Variants in TGFBR2 observed in about 807,000 individuals in gnomAD.
TGFBR2 encodes the protein transforming growth factor beta receptor 2.
A neutral mutation model predicts 49.0 loss-of-function variants in TGFBR2; 18 were observed. That is an observed-to-expected ratio of 0.37 (90% CI 0.25 to 0.54). The LOEUF (loss-of-function observed/expected upper bound fraction) is 0.54, where lower values mean the gene tolerates loss of function less well. TGFBR2 is among the 20% of genes least tolerant of loss of function. The pLI is 0.85. For missense variants in TGFBR2, 525 were observed against 722.6 expected, an observed-to-expected ratio of 0.73 and a Z score of 3.13; for synonymous variants, 282 against 275.9, an observed-to-expected ratio of 1.02 and a Z score of -0.22.
In TGFBR2 at chr3:30,688,423, G is replaced by A. The variant is rs1553631704; in HGVS notation, c.1436G>A (p.Arg479Gln). Residue 479 changes from arginine (R) to glutamine (Q), a missense_variant, in exon 6 of 7, where the codon CGG becomes CAG. Physicochemically the swap from Arg to Gln is conservative, Grantham distance 43. Around this residue, in one of 3 missense-constraint regions of TGFBR2, gnomAD observed 104 missense variants for 133.4 expected, o/e 0.78. Transcript: ENST00000295754. ...GAGCCTCCATTTGGTTCCAAGGTGC[G>A]GGAGCACCCCTGTGTCGAAAGCATG... ...DYEPPFGSKV[R>Q]EHPCVESMKD... The A allele has an allele frequency of 7.4e-6, 12 of 1,614,188 alleles. No homozygotes were observed. The highest frequency in any genetic ancestry group is 2.7e-5 in the African/African-American group (2 of 75,058).
At chr3:30,613,989 A>G (rs1835538) in intron 1 of TGFBR2, among the ~76,000 whole-genome samples, 92,164 of 152,004 alleles carry the variant, frequency 0.61, 28,872 homozygotes, top group East Asian at 0.87. Flanking sequence ...GGAATAGACA[A>G]CATTGAACAT....
At chr3:30,609,504 G>A (rs1697992632) in intron 1 of TGFBR2, among the ~76,000 whole-genome samples, 1 of 152,030 alleles carries the variant, frequency 6.6e-6, no homozygotes, top group South Asian at 2.1e-4. Flanking sequence ...TTAAATAAAA[G>A]AACAAATTTC....
chr3:30,655,969 G>A (rs1007284962), intron 3 of TGFBR2, among the ~76,000 whole-genome samples: 3 of 152,144 alleles, frequency 2.0e-5, no homozygotes, highest in Non-Finnish European at 4.4e-5. Flanking sequence ...GTCCTCTGGG[G>A]CCTATTGCAT....
At chr3:30,625,879 T>C (rs1468518515) in intron 1 of TGFBR2, among the ~76,000 whole-genome samples, 1 of 152,230 alleles carries the variant, frequency 6.6e-6, no homozygotes, top group Admixed American at 6.5e-5. Context: ...TGTCCAGTAC[T>C]ACCATGCCCC....
At chr3:30,665,942 A>G (rs1406727076) in intron 3 of TGFBR2, among the ~76,000 whole-genome samples, 1 of 152,244 alleles carries the variant, frequency 6.6e-6, no homozygotes, top group Non-Finnish European at 1.5e-5. Flanking sequence ...ATATGTTTCT[A>G]TAATAATGCT....
intron 5 of TGFBR2, among the ~76,000 whole-genome samples, chr3:30,680,759 G>A (rs1244898000): frequency 1.3e-5 from 2 of 152,140 alleles, no homozygotes; most frequent in African/African-American, 4.8e-5. Flanking sequence ...GAGGTGATTG[G>A]TGTGTTACTG....
At chr3:30,607,763 C>A (rs373089194) in intron 1 of TGFBR2, among the ~76,000 whole-genome samples, 4 of 146,844 alleles carry the variant, frequency 2.7e-5, no homozygotes, top group African/African-American at 1.0e-4. Flanking sequence ...TGATCGCTGT[C>A]TCTGAAGGTT....
At chr3:30,689,222 ATTGT>A (rs1699673311) in intron 6 of TGFBR2, among the ~76,000 whole-genome samples, 1 of 152,134 alleles carries the variant, frequency 6.6e-6, no homozygotes, top group East Asian at 1.9e-4. Context: ...GCTGATCCAA[ATTGT>A]TTGTTTGGGG....
chr3:30,607,192 C>T (rs1301922672), intron 1 of TGFBR2, among the ~76,000 whole-genome samples: 1 of 152,240 alleles, frequency 6.6e-6, no homozygotes, highest in Non-Finnish European at 1.5e-5. Context: ...GCAAGGGGCG[C>T]GGGGCACGTT....
intron 2 of TGFBR2, among the ~76,000 whole-genome samples, chr3:30,647,265 T>G (rs13086588): frequency 0.32 from 48,667 of 152,110 alleles, 7,920 homozygotes; most frequent in East Asian, 0.43. Flanking sequence ...CATAATGTGG[T>G]ACATCTTTGA....
chr3:30,691,037 C>A (rs571842911), intron 6 of TGFBR2, among the ~76,000 whole-genome samples: 1 of 152,080 alleles, frequency 6.6e-6, no homozygotes, highest in Non-Finnish European at 1.5e-5. Flanking sequence ...TGCTGTGAAG[C>A]GAGAACTTCT....
rs1428100949 is a variant in TGFBR2 at position 30,693,435 on chromosome 3, CT to C, written c.*1841del. ...GCTGCAAGTAATCTCTTTTTTAAAA[CT>C]TTTTGAAGCTACTTATTTTCAGCCA... On this transcript the variant is annotated 3_prime_UTR_variant, in exon 7 of 7. Coordinates refer to ENST00000295754, the MANE Select transcript of TGFBR2 (RefSeq NM_003242.6). 1 of 233,534 alleles carries C rather than the reference CT, an allele frequency of 4.3e-6. No individual in the cohort carries two copies. The highest frequency in any genetic ancestry group is 2.2e-5 in the African/African-American group (1 of 45,334). 14.5% of individuals were successfully genotyped at this position (233,534 alleles called of 1,614,324 possible).
At chr3:30,648,460 A>ACACACACACC (rs1553627538) in intron 2 of TGFBR2, among the ~76,000 whole-genome samples, 6,989 of 142,398 alleles carry the variant, frequency 0.049, 310 homozygotes, top group Admixed American at 0.067. Flanking sequence ...ACACACACAC[A>ACACACACACC]CAAAACTGTG....
intron 1 of TGFBR2, among the ~76,000 whole-genome samples, chr3:30,634,973 T>G (rs546008402): frequency 6.6e-6 from 1 of 152,192 alleles, no homozygotes; most frequent in African/African-American, 2.4e-5. Context: ...TACATTCTGG[T>G]TTTTGACTCA....
intron 2 of TGFBR2, among the ~76,000 whole-genome samples, chr3:30,647,028 G>GAA (rs1186860187): frequency 6.6e-6 from 1 of 152,162 alleles, no homozygotes; most frequent in East Asian, 1.9e-4. Flanking sequence ...CGTGAAGCCA[G>GAA]GGGTGTTGAT....
At chr3:30,606,506 AG>A (rs1238049955), upstream of TGFBR2, 5 of 253,348 alleles carry the variant, frequency 2.0e-5, no homozygotes, top group East Asian at 2.3e-4. Flanking sequence ...CGTCGAGGAG[AG>A]GGAGAAGGCT....
At chr3:30,637,858 G>A (rs529984961) in intron 1 of TGFBR2, among the ~76,000 whole-genome samples, 64 of 152,240 alleles carry the variant, frequency 4.2e-4, no homozygotes, top group African/African-American at 1.5e-3. Context: ...TTTTAGAAGC[G>A]AAAGTGCGAG....
chr3:30,670,526 A>G (rs572427536), intron 3 of TGFBR2, among the ~76,000 whole-genome samples: 9 of 152,322 alleles, frequency 5.9e-5, no homozygotes, highest in Non-Finnish European at 1.0e-4. Context: ...TGTTTGCCCA[A>G]TGAAAGCAGC....
At position 30,691,912 on chromosome 3, in the gene TGFBR2, TA is replaced by T. The variant is rs1385028052; in HGVS notation, c.*314del. 9.1e-5 allele frequency: 12 copies of T among 132,254 alleles called. No individual in the cohort carries two copies. The highest frequency in any genetic ancestry group is 1.6e-4 in the East Asian group (2 of 12,380). The allele number at this position is 132,254 out of a possible 1,614,324, so 8.2% of individuals were successfully genotyped here. On this transcript the variant is annotated 3_prime_UTR_variant, in exon 7 of 7. Coordinates refer to ENST00000295754, the MANE Select transcript of TGFBR2 (RefSeq NM_003242.6). ...TATAAATATGAATAGCTATGTTTTA[TA>T]TATATATATATATATCTATATATGT...
Sources: gnomAD v4.1 joint callset for allele counts (sites outside exome capture counted in the v4.1 genomes callset) on GRCh38, gnomAD v4.1.1 for gene constraint, gnomAD v4.1.1 regional missense constraint, MANE v1.5 for transcripts, NCBI Gene and HGNC (gene_info 2026-07-23, HGNC 2026-07-21) for gene names.